Variants in ZEB1 observed in about 807,000 individuals in gnomAD.
The protein encoded by ZEB1 is zinc finger E-box binding homeobox 1, also known as zinc finger E-box-binding homeobox 1.
ZEB1 carries 21 observed loss-of-function variants against 84.9 expected under a neutral mutation model. That is an observed-to-expected ratio of 0.25 (90% confidence interval 0.18 to 0.36). The LOEUF (loss-of-function observed/expected upper bound fraction) is 0.36. Among genes scored for constraint, ZEB1 ranks in the 10% least tolerant of loss-of-function variants. ZEB1 has a pLI of 1.00. For synonymous variants in ZEB1, 420 were observed against 471.1 expected (o/e 0.89, Z 1.41); for missense variants, 1,104 against 1,330.2 (o/e 0.83, Z 2.65).
At chr10:31,359,255 A>G (rs2042596402) in intron 1 of ZEB1, among the ~76,000 whole-genome samples, 1 of 152,090 alleles carries the variant, frequency 6.6e-6, no homozygotes, top group Non-Finnish European at 1.5e-5. Flanking sequence ...AAAACTCCTA[A>G]AGACCCTATG....
chr10:31,492,373 T>G (rs76123017), intron 2 of ZEB1, among the ~76,000 whole-genome samples: 1 of 151,922 alleles, frequency 6.6e-6, no homozygotes, highest in Non-Finnish European at 1.5e-5. Flanking sequence ...TTTGCCCAAT[T>G]GTAGGATACT....
In ZEB1 at chr10:31,377,433, A is replaced by G. The variant is rs150060813; in HGVS notation, c.58+58141A>G. 3.2e-3 allele frequency among the ~76,000 whole-genome samples: 492 copies of G among 151,854 alleles called. 2 individuals carry two copies. Among genetic ancestry groups the G allele is most frequent in the Non-Finnish European group, 4.6e-3 (308 of 67,686 alleles). On this transcript the variant is annotated intron_variant, in intron 1 of 8. Transcript: ENST00000424869. ...GTTACAATTATGAGGCCATCTTAGC[A>G]TCTCAGTACCCTTATTATATATATC... is the stretch of plus-strand genomic sequence containing the variant.
At chr10:31,449,863 C>T (rs1369939569) in intron 1 of ZEB1, among the ~76,000 whole-genome samples, 1 of 152,162 alleles carries the variant, frequency 6.6e-6, no homozygotes, top group Non-Finnish European at 1.5e-5. Context: ...AAGTGTTTTG[C>T]ATATATACCT....
At chr10:31,468,569 A>G (rs553147299) in intron 2 of ZEB1, among the ~76,000 whole-genome samples, 11 of 152,208 alleles carry the variant, frequency 7.2e-5, no homozygotes, top group Admixed American at 6.5e-4. Context: ...TTGCATCTCT[A>G]TAGGAGACAG....
At chr10:31,513,186 T>G (rs1456315566) in intron 5 of ZEB1, among the ~76,000 whole-genome samples, 1 of 152,146 alleles carries the variant, frequency 6.6e-6, no homozygotes, top group Non-Finnish European at 1.5e-5. Context: ...GAGGTTTTGG[T>G]GGCAGACAGA....
At chr10:31,344,628 A>G (rs2039977056) in intron 1 of ZEB1, among the ~76,000 whole-genome samples, 1 of 152,150 alleles carries the variant, frequency 6.6e-6, no homozygotes, top group Admixed American at 6.6e-5. Flanking sequence ...GTAGGGGACC[A>G]TATGACAAAA....
intron 1 of ZEB1, among the ~76,000 whole-genome samples, chr10:31,366,154 C>T (rs1382743421): frequency 6.6e-6 from 1 of 152,210 alleles, no homozygotes; most frequent in African/African-American, 2.4e-5. Context: ...TCTAAAATCT[C>T]TCTGACTAGC....
intron 2 of ZEB1, among the ~76,000 whole-genome samples, chr10:31,490,203 G>A (rs1416240750): frequency 6.6e-6 from 1 of 151,296 alleles, no homozygotes; most frequent in African/African-American, 2.4e-5. Flanking sequence ...ACTATTTGAG[G>A]TTCAGTTCTT....
chr10:31,456,184 A>G (rs2061198019), intron 1 of ZEB1, among the ~76,000 whole-genome samples: 1 of 152,138 alleles, frequency 6.6e-6, no homozygotes, highest in Non-Finnish European at 1.5e-5. Flanking sequence ...GCATGTTCTC[A>G]CTCATGGGTG....
chr10:31,472,790 A>G (rs1248355169), intron 2 of ZEB1, among the ~76,000 whole-genome samples: 1 of 140,480 alleles, frequency 7.1e-6, no homozygotes, highest in Non-Finnish European at 1.5e-5. Flanking sequence ...CTTGATGAAC[A>G]TTGATGCAAA....
chr10:31,378,441 A>G (rs961147128), intron 1 of ZEB1, among the ~76,000 whole-genome samples: 5 of 151,784 alleles, frequency 3.3e-5, no homozygotes, highest in Non-Finnish European at 7.4e-5. Flanking sequence ...TAGGCTTAGT[A>G]GAAGATTTAA....
rs1219172005 is a variant in ZEB1, at chr10:31,386,540, G to T, written c.58+67248G>T. Among the ~76,000 whole-genome samples, 4 of 151,918 alleles carry T rather than the reference G, an allele frequency of 2.6e-5. 1 individual carries two copies. The highest frequency in any genetic ancestry group is 2.0e-4 in the Admixed American group (3 of 15,228). On this transcript the variant is annotated intron_variant, in intron 1 of 8. Transcript: ENST00000424869. The stretch of plus-strand genomic sequence containing the variant: ...TTCTATGTACCAGGACCTATTTAAG[G>T]TACTACAGATAATCAGTGTGTCAAA...
intron 5 of ZEB1, among the ~76,000 whole-genome samples, chr10:31,511,480 AACT>A (rs1342247327): frequency 2.0e-5 from 3 of 152,146 alleles, no homozygotes; most frequent in African/African-American, 7.2e-5. Flanking sequence ...ACTGTTTTGT[AACT>A]ATAAGTTACA....
chr10:31,478,262 T>C (rs2064533592), intron 2 of ZEB1, among the ~76,000 whole-genome samples: 1 of 151,990 alleles, frequency 6.6e-6, no homozygotes, highest in Non-Finnish European at 1.5e-5. Context: ...ATGCTTAATA[T>C]CACTAATCAT....
chr10:31,413,942 A>G (rs905482043), intron 1 of ZEB1, among the ~76,000 whole-genome samples: 4 of 152,198 alleles, frequency 2.6e-5, no homozygotes, highest in Admixed American at 6.5e-5. Context: ...GAGCTTGTCC[A>G]TAGCCACAAG....
chr10:31,424,286 G>C (rs2056638699), intron 1 of ZEB1, among the ~76,000 whole-genome samples: 1 of 151,768 alleles, frequency 6.6e-6, no homozygotes, highest in Non-Finnish European at 1.5e-5. Flanking sequence ...GCATAACATT[G>C]TTCCAGCTAG....
intron 2 of ZEB1, among the ~76,000 whole-genome samples, chr10:31,474,195 C>A (rs1300068581): frequency 1.3e-5 from 2 of 151,798 alleles, no homozygotes; most frequent in African/African-American, 4.9e-5. Flanking sequence ...GCAACAAAAG[C>A]CAAAATTGAC....
chr10:31,477,192 C>T (rs931641540), intron 2 of ZEB1, among the ~76,000 whole-genome samples: 1 of 151,998 alleles, frequency 6.6e-6, no homozygotes, highest in African/African-American at 2.4e-5. Flanking sequence ...TAAACAACTT[C>T]AGTAAAGTTT....
intron 1 of ZEB1, among the ~76,000 whole-genome samples, chr10:31,332,813 C>A (rs10826936): frequency 0.2 from 30,117 of 152,032 alleles, 5,934 homozygotes; most frequent in African/African-American, 0.51. Context: ...CATCAATTTT[C>A]TAAACATTTC....
Sources: gnomAD v4.1 joint callset for allele counts (sites outside exome capture counted in the v4.1 genomes callset) on GRCh38, gnomAD v4.1.1 for gene constraint, MANE v1.5 for transcripts, NCBI Gene and HGNC (gene_info 2026-07-23, HGNC 2026-07-21) for gene names.